The following MYZAP variants were observed in gnomAD, a reference collection of about 807,000 sequenced individuals.
The protein encoded by MYZAP is myocardial zonula adherens protein.
A neutral mutation model predicts 69.4 loss-of-function variants in MYZAP; 66 were observed. That is an observed-to-expected ratio of 0.95 (90% CI 0.78 to 1.17). MYZAP has a LOEUF of 1.17. Among genes scored for constraint, MYZAP ranks in the 50% most tolerant of loss-of-function variants. MYZAP has a pLI of 0.00. For synonymous variants in MYZAP, 256 were observed against 205.9 expected (o/e 1.24, Z -2.09); for missense variants, 611 against 556.2 (o/e 1.10, Z -0.99).
Position 57,661,499 on chromosome 15 carries a change from A to G in MYZAP, c.1169A>G (p.Gln390Arg). Reference sequence around the variant, plus strand: ...CAACAGAAACAGCTCTTAATACTGCAGCTTTTAGAAAAGATATCTTTCTTA... The same window carrying G: ...CAACAGAAACAGCTCTTAATACTGCGGCTTTTAGAAAAGATATCTTTCTTA... ...KLQQKQLLILQLLEKISFLEG... is the reference protein window; with the variant it reads ...KLQQKQLLILRLLEKISFLEG... The change falls in exon 11 of 13, where the codon CAG becomes CGG. Residue 390 changes from glutamine to arginine, a missense_variant. Physicochemically the swap from Gln to Arg is conservative, Grantham distance 43 (BLOSUM62 1). Coordinates refer to ENST00000267853, the MANE Select transcript of MYZAP (RefSeq NM_001018100.5). The G allele has an allele frequency of 6.2e-7, 1 of 1,610,512 alleles. No individual in the cohort carries two copies. The highest frequency in any genetic ancestry group is 8.5e-7 in the Non-Finnish European group (1 of 1,179,016).
At chr15:57,645,987 G>T in intron 10 of MYZAP, 1 of 350,282 alleles carries the variant, frequency 2.9e-6, no homozygotes, top group South Asian at 2.5e-5. Context: ...GCTGAAATGT[G>T]CAACACACGA....
intron 2 of MYZAP, among the ~76,000 whole-genome samples, chr15:57,608,450 G>T (rs1469877752): frequency 6.6e-6 from 1 of 152,216 alleles, no homozygotes; most frequent in Non-Finnish European, 1.5e-5. Flanking sequence ...GGAGTCAAGG[G>T]TTTGTGGGGT....
At chr15:57,618,655 T>C (rs1454956018) in intron 3 of MYZAP, among the ~76,000 whole-genome samples, 1 of 152,240 alleles carries the variant, frequency 6.6e-6, no homozygotes, top group Non-Finnish European at 1.5e-5. Context: ...GTTTATTTCC[T>C]ATCTTTTAAG....
At chr15:57,632,751 C>G (rs139392647) in intron 7 of MYZAP, among the ~76,000 whole-genome samples, 192 bp downstream of exon 7, 1 of 152,300 alleles carries the variant, frequency 6.6e-6, no homozygotes, top group East Asian at 1.9e-4. Flanking sequence ...TCATCCCCGT[C>G]TCTACTCAGA....
At chr15:57,673,668 T>C (rs1290972466) in intron 11 of MYZAP, among the ~76,000 whole-genome samples, 1 of 152,214 alleles carries the variant, frequency 6.6e-6, no homozygotes, top group Non-Finnish European at 1.5e-5. Context: ...AAAGGATTCA[T>C]TGACTTTTAC....
At chr15:57,605,645 C>G (rs138656230) in intron 2 of MYZAP, among the ~76,000 whole-genome samples, 1 of 152,190 alleles carries the variant, frequency 6.6e-6, no homozygotes, top group East Asian at 1.9e-4. Context: ...GGGAGAAAAG[C>G]AAATGAAGTT....
intron 2 of MYZAP, among the ~76,000 whole-genome samples, chr15:57,608,155 C>G (rs1348671287): frequency 6.6e-6 from 1 of 152,188 alleles, no homozygotes; most frequent in Non-Finnish European, 1.5e-5. Flanking sequence ...TTCCAGGGCC[C>G]TGTTAGAGCC....
chr15:57,667,067 AAGTC>A (rs2038611756), intron 11 of MYZAP, among the ~76,000 whole-genome samples: 2 of 152,138 alleles, frequency 1.3e-5, no homozygotes, highest in Non-Finnish European at 2.9e-5. Context: ...CTCAATTCAA[AAGTC>A]AGAGGAAAGG....
chr15:57,595,699 C>G (rs543721501), intron 1 of MYZAP, among the ~76,000 whole-genome samples: 1 of 152,166 alleles, frequency 6.6e-6, no homozygotes, highest in Non-Finnish European at 1.5e-5. Flanking sequence ...GCACCTTGCT[C>G]TCTTGATAAT....
chr15:57,646,359 G>T, intron 10 of MYZAP: 1 of 1,179,784 alleles, frequency 8.5e-7, no homozygotes, highest in South Asian at 1.7e-5. Context: ...TGGGGCTCTT[G>T]TTTGTGAAAA....
chr15:57,663,544 G>A (rs1255845838), intron 11 of MYZAP, among the ~76,000 whole-genome samples: 1 of 152,214 alleles, frequency 6.6e-6, no homozygotes, highest in Non-Finnish European at 1.5e-5. Context: ...CTGGGAGATG[G>A]TGTGGAAGTG....
At chr15:57,673,365 C>T in intron 11 of MYZAP, among the ~76,000 whole-genome samples, 1 of 152,096 alleles carries the variant, frequency 6.6e-6, no homozygotes, top group Non-Finnish European at 1.5e-5. Flanking sequence ...TTCTGCCTTT[C>T]TCTTTTTTTA....
At chr15:57,679,967 G>T (rs184265347) in intron 12 of MYZAP, among the ~76,000 whole-genome samples, 66 of 152,244 alleles carry the variant, frequency 4.3e-4, no homozygotes, top group African/African-American at 1.5e-3. Context: ...GTTAGACCTG[G>T]GTTTGGGTCC....
chr15:57,593,214 A>ACACACACACACACACACACACCC (rs1172761785), intron 1 of MYZAP, among the ~76,000 whole-genome samples: 3 of 141,344 alleles, frequency 2.1e-5, no homozygotes, highest in African/African-American at 8.4e-5. Context: ...ACACACACAC[A>ACACACACACACACACACACACCC]CCCCAGAATC....
intron 12 of MYZAP, among the ~76,000 whole-genome samples, chr15:57,682,231 G>A (rs1189094855): frequency 6.6e-6 from 1 of 152,098 alleles, no homozygotes; most frequent in African/African-American, 2.4e-5. Context: ...CTACATAAAA[G>A]GGAAGAGAGA....
intron 4 of MYZAP, among the ~76,000 whole-genome samples, chr15:57,623,698 A>G (rs1016475385): frequency 6.6e-6 from 1 of 151,090 alleles, no homozygotes; most frequent in African/African-American, 2.4e-5. Flanking sequence ...GTGCCACTGC[A>G]CTCCAGTCTG....
At chr15:57,603,437 G>A (rs1203564521) in intron 1 of MYZAP, among the ~76,000 whole-genome samples, 1 of 152,068 alleles carries the variant, frequency 6.6e-6, no homozygotes, top group African/African-American at 2.4e-5. Flanking sequence ...CTATCTCGAG[G>A]ATTTTTTTCA....
At chr15:57,643,628 T>C (rs1280695472) in intron 10 of MYZAP, among the ~76,000 whole-genome samples, 1 of 152,218 alleles carries the variant, frequency 6.6e-6, no homozygotes, top group Non-Finnish European at 1.5e-5. Flanking sequence ...GAAAGTGATC[T>C]TAAGGAAAAA....
intron 11 of MYZAP, among the ~76,000 whole-genome samples, chr15:57,667,666 A>G (rs1481456365): frequency 5.3e-5 from 8 of 152,142 alleles, no homozygotes. Flanking sequence ...CACGCTCTCT[A>G]ACTCTCCTCT....
Sources: gnomAD v4.1 joint callset for allele counts (sites outside exome capture counted in the v4.1 genomes callset) on GRCh38, gnomAD v4.1.1 for gene constraint, MANE v1.5 for transcripts, NCBI Gene and HGNC (gene_info 2026-07-23, HGNC 2026-07-21) for gene names.